CYP4F3: variants seen among roughly 807,000 people sequenced by gnomAD.
The protein encoded by CYP4F3 is cytochrome P450 family 4 subfamily F member 3.
In CYP4F3, 50 loss-of-function variants were observed where a neutral mutation model predicts 54.8. The ratio of observed to expected loss-of-function variants is 0.91; its 90% CI spans 0.73 to 1.16. The LOEUF is 1.16. Ranked by LOEUF, CYP4F3 falls within the 50% of genes most tolerant of loss-of-function variation. The pLI is 0.00. For missense variants in CYP4F3, 715 were observed against 676.2 expected (o/e 1.06, Z -0.64); for synonymous variants, 244 against 262.6 (o/e 0.93, Z 0.69).
Position 15,658,307 on chromosome 19 carries a change from G to C in CYP4F3, c.1159G>C (p.Glu387Gln). 6.2e-7 allele frequency: 1 copy of C among 1,614,146 alleles called. No homozygotes were observed. The highest frequency in any genetic ancestry group is 1.3e-5 in the African/African-American group (1 of 75,020). Residue 387 changes from glutamate to glutamine, a missense_variant, in exon 10 of 13, where the codon GAG becomes CAG. Physicochemically the swap from Glu to Gln is conservative, Grantham distance 29 (BLOSUM62 2). Transcript: ENST00000221307. ...QLPFLTMCIK[E>Q]SLRLHPPVPA... ...GCCCTTCCTGACCATGTGCATTAAG[G>C]AGAGCCTGAGGCTGCATCCCCCAGT... is the stretch of plus-strand genomic sequence containing the variant.
intron 11 of CYP4F3, 50 bp downstream of exon 11, chr19:15,658,605 G>A (rs752603058): frequency 3.7e-6 from 6 of 1,612,418 alleles, no homozygotes; most frequent in Admixed American, 1.7e-5. Flanking sequence ...TCCTAGAGGA[G>A]GGGGCAGGGT....
At chr19:15,659,033 G>A (rs1420560515) in intron 12 of CYP4F3, among the ~76,000 whole-genome samples, 187 bp from the exon 13 acceptor site, 2 of 46,428 alleles carry the variant, frequency 4.3e-5, no homozygotes, top group South Asian at 1.1e-3. Context: ...GGTCTAGGCT[G>A]GGGGGTTGGA....
At chr19:15,652,484 C>G in intron 7 of CYP4F3, 85 bp from the exon 8 acceptor site, 2 of 1,554,332 alleles carry the variant, frequency 1.3e-6, no homozygotes, top group South Asian at 1.1e-5. Context: ...TCTTCAGAGA[C>G]TGTCTCAGAT....
chr19:15,652,040 G>A (rs1248910529), intron 7 of CYP4F3, among the ~76,000 whole-genome samples: 31 of 151,028 alleles, frequency 2.1e-4, no homozygotes. Context: ...TATATTATGA[G>A]TCTCAGCACA....
chr19:15,642,069 C>T (rs1433780261), intron 2 of CYP4F3, among the ~76,000 whole-genome samples: 1 of 152,158 alleles, frequency 6.6e-6, no homozygotes, highest in Admixed American at 6.5e-5. Flanking sequence ...GAGGCACCTT[C>T]CTCTTATCTT....
intron 9 of CYP4F3, among the ~76,000 whole-genome samples, chr19:15,653,533 G>T (rs533086815): frequency 3.3e-5 from 5 of 152,268 alleles, no homozygotes; most frequent in African/African-American, 1.2e-4. Context: ...CCAGCCTGGT[G>T]GGGGAACTGT....
At chr19:15,654,304 A>G (rs1265700351) in intron 9 of CYP4F3, among the ~76,000 whole-genome samples, 3 of 152,230 alleles carry the variant, frequency 2.0e-5, no homozygotes, top group East Asian at 3.8e-4. Flanking sequence ...AATCTAATAC[A>G]TTCATATAAT....
chr19:15,658,241 T>G, intron 9 of CYP4F3, 23 bp from the exon 10 acceptor site: 1 of 1,612,106 alleles, frequency 6.2e-7, no homozygotes. Context: ...TTGATAAGGA[T>G]TGGGGCTGGG....
At chr19:15,656,334 A>G (rs1187496693) in intron 9 of CYP4F3, among the ~76,000 whole-genome samples, 1 of 152,136 alleles carries the variant, frequency 6.6e-6, no homozygotes, top group East Asian at 1.9e-4. Context: ...TAAATTACAA[A>G]ATGAATGATA....
intron 1 of CYP4F3, among the ~76,000 whole-genome samples, 191 bp downstream of exon 1, chr19:15,641,136 CA>C (rs1454599813): frequency 2.0e-5 from 3 of 152,210 alleles, no homozygotes; most frequent in African/African-American, 7.2e-5. Context: ...AAGCCCCTGG[CA>C]ACGTCCTAAT....
Position 15,650,201 on chromosome 19 carries a change from C to A in CYP4F3, c.918+18C>A, listed in dbSNP as rs1972753700. On this transcript the variant is annotated intron_variant, in intron 7 of 12. Transcript: ENST00000221307. ...TGAGCAAGGTGGGCCTCTCTGGGATCTGAATTCAAGAAGTAGAAGGGAGCT... is the reference window on the plus strand; with the variant it reads ...TGAGCAAGGTGGGCCTCTCTGGGATATGAATTCAAGAAGTAGAAGGGAGCT... 1.2e-6 allele frequency: 2 copies of A among 1,614,010 alleles called. No homozygotes were observed. Among genetic ancestry groups the A allele is most frequent in the Admixed American group, 3.3e-5 (2 of 60,006 alleles).
In CYP4F3 at chr19:15,643,064, A is replaced by T. The variant is rs1915378; in HGVS notation, c.198+1451A>T. ...AATAGGATAAATGGATGAGTGGATG[A>T]ATGTACAGATAAGATGGATGGATGG... On this transcript the variant is annotated intron_variant, in intron 2 of 12. Transcript: ENST00000221307. Among the ~76,000 whole-genome samples the T allele has an allele frequency of 1.4e-3, 205 of 151,410 alleles. 3 individuals carry two copies. Among genetic ancestry groups the T allele is most frequent in the Admixed American group, 9.9e-3 (151 of 15,218 alleles).
chr19:15,650,726 T>TTC lies in CYP4F3; in HGVS notation c.918+545_918+546dup, dbSNP rs1491082254. Among the ~76,000 whole-genome samples, 7 of 111,750 alleles carry TTC rather than the reference T, an allele frequency of 6.3e-5. 1 individual carries two copies. Among genetic ancestry groups the TTC allele is most frequent in the South Asian group, 2.6e-4 (1 of 3,888 alleles). 73.3% of individuals were successfully genotyped at this position (111,750 alleles called of 152,430 possible). ...TTTCTTTCTTTCTTTCTTTCTTTCT[T>TTC]TCTTTCTTTCTTTTCCTTCCTTCCA... On this transcript the variant is annotated intron_variant, in intron 7 of 12. Coordinates refer to ENST00000221307, the MANE Select transcript of CYP4F3 (RefSeq NM_000896.3).
Position 15,659,374 on chromosome 19 carries a change from C to A in CYP4F3, c.1552C>A (p.Pro518Thr), listed in dbSNP as rs773744716. ...AEGGLWLRVEPLS is the reference protein window; with the variant it reads ...AEGGLWLRVETLS ...GGGCGGACTTTGGCTGCGGGTGGAG[C>A]CCCTGAGCTGAGTTCTGCAGAGACC... The change falls in exon 13 of 13, where the codon CCC becomes ACC. Residue 518 changes from proline (P) to threonine (T), a missense_variant. Pro to Thr is a conservative substitution (Grantham distance 38, BLOSUM62 -1). Coordinates refer to ENST00000221307, the MANE Select transcript of CYP4F3 (RefSeq NM_000896.3). 6.2e-7 allele frequency: 1 copy of A among 1,606,322 alleles called. No individual in the cohort carries two copies. Among genetic ancestry groups the A allele is most frequent in the East Asian group, 2.2e-5 (1 of 44,850 alleles).
intron 7 of CYP4F3, among the ~76,000 whole-genome samples, chr19:15,651,519 C>T (rs1290383598): frequency 1.4e-5 from 2 of 139,408 alleles, no homozygotes; most frequent in Non-Finnish European, 3.2e-5. Context: ...AGGCACCTGG[C>T]TAATTTTTTG....
In CYP4F3 at chr19:15,658,754, A is replaced by G. The variant is rs368446194; in HGVS notation, c.1342A>G (p.Lys448Glu). The change falls in exon 12 of 13, where the codon AAG becomes GAG. Residue 448 changes from lysine to glutamate, a missense_variant. Coordinates refer to ENST00000221307, the MANE Select transcript of CYP4F3 (RefSeq NM_000896.3). ...CTATGACCCCTTTCGCTTTGACCCA[A>G]AGAACATCAAGGAGAGGTCACCTCT... ...EVYDPFRFDPKNIKERSPLAF... is the reference protein window; with the variant it reads ...EVYDPFRFDPENIKERSPLAF... 7.2e-5 allele frequency: 116 copies of G among 1,613,920 alleles called. No individual in the cohort carries two copies. Among genetic ancestry groups the G allele is most frequent in the Middle Eastern group, 1.6e-4 (1 of 6,084 alleles).
rs767424404 is a variant in CYP4F3 at position 15,641,488 on chromosome 19, G to C, written c.73G>C (p.Val25Leu). 6.2e-7 allele frequency: 1 copy of C among 1,614,208 alleles called. No homozygotes were observed. Among genetic ancestry groups the C allele is most frequent in the Non-Finnish European group, 8.5e-7 (1 of 1,180,042 alleles). Residue 25 changes from valine to leucine, a missense_variant, in exon 2 of 13, where the codon GTT becomes CTT. Coordinates refer to ENST00000221307, the MANE Select transcript of CYP4F3 (RefSeq NM_000896.3). Reference protein sequence around the residue: ...AASPWLLLLLVGASWLLARIL... With the variant: ...AASPWLLLLLLGASWLLARIL... Reference sequence around the variant, plus strand: ...ATCCCCGTGGCTGCTCCTGCTGCTGGTTGGGGCCTCCTGGCTCCTGGCCCG... The same window carrying C: ...ATCCCCGTGGCTGCTCCTGCTGCTGCTTGGGGCCTCCTGGCTCCTGGCCCG...
At chr19:15,659,058 G>A (rs931668213) in intron 12 of CYP4F3, among the ~76,000 whole-genome samples, 162 bp from the exon 13 acceptor site, 6 of 150,736 alleles carry the variant, frequency 4.0e-5, no homozygotes, top group South Asian at 2.1e-4. Flanking sequence ...GGCTAGGCTC[G>A]CAGGATATGC....
At chr19:15,651,545 C>T (rs1257541445) in intron 7 of CYP4F3, among the ~76,000 whole-genome samples, 4 of 140,032 alleles carry the variant, frequency 2.9e-5, no homozygotes, top group South Asian at 2.5e-4. Flanking sequence ...TTAGTACAGA[C>T]GGAGCTTCAC....
Sources: gnomAD v4.1 joint callset for allele counts (sites outside exome capture counted in the v4.1 genomes callset) on GRCh38, gnomAD v4.1.1 for gene constraint, MANE v1.5 for transcripts, NCBI Gene and HGNC (gene_info 2026-07-23, HGNC 2026-07-21) for gene names.